GALNT13: variants seen among roughly 807,000 people sequenced by gnomAD.
GALNT13 encodes the protein UDP-GalNAc:polypeptide N-acetylgalactosaminyltransferase 13.
Under a neutral mutation model 64.2 loss-of-function variants are expected in GALNT13, and 28 were observed. The ratio of observed to expected loss-of-function variants is 0.44; its 90% CI spans 0.32 to 0.60. GALNT13 has a LOEUF of 0.60. Ranked by LOEUF, GALNT13 falls within the 20% of genes least tolerant of loss-of-function variation. The pLI is 0.05. For synonymous variants in GALNT13, 214 were observed against 224.6 expected (o/e 0.95, Z 0.42); for missense variants, 577 against 669.8 (o/e 0.86, Z 1.53).
chr2:154,322,662 G>C (rs1424681840), intron 9 of GALNT13, among the ~76,000 whole-genome samples: 1 of 152,052 alleles, frequency 6.6e-6, no homozygotes, highest in Non-Finnish European at 1.5e-5. Context: ...TGGTAGTCAG[G>C]TTGTGTTGTT....
At chr2:153,609,541 G>T in the GALNT13 span, among the ~76,000 whole-genome samples, 16 of 152,012 alleles carry the variant, frequency 1.1e-4, no homozygotes, top group African/African-American at 3.6e-4. Flanking sequence ...TTTTATCAGG[G>T]CTGTCCTCAC....
intron 8 of GALNT13, among the ~76,000 whole-genome samples, chr2:154,287,998 T>C (rs1213241902): frequency 1.3e-5 from 2 of 152,084 alleles, no homozygotes; most frequent in African/African-American, 4.8e-5. Context: ...TATTGGTCCC[T>C]GTATTAGTCC....
chr2:154,067,095 G>A (rs992295046), intron 3 of GALNT13, among the ~76,000 whole-genome samples: 3 of 151,762 alleles, frequency 2.0e-5, no homozygotes, highest in Admixed American at 2.0e-4. Flanking sequence ...TAAAATAATG[G>A]GTTATAAGAT....
intron 4 of GALNT13, among the ~76,000 whole-genome samples, chr2:154,147,110 G>C (rs1683652201): frequency 6.6e-6 from 1 of 151,854 alleles, no homozygotes; most frequent in Non-Finnish European, 1.5e-5. Flanking sequence ...GTTGTGCAAT[G>C]AATCTTTAGC....
At chr2:153,115,636 TG>T in the GALNT13 span, among the ~76,000 whole-genome samples, 1 of 152,168 alleles carries the variant, frequency 6.6e-6, no homozygotes, top group Non-Finnish European at 1.5e-5. Context: ...ATTGTGTCTG[TG>T]TCTATCTGTT....
At chr2:154,449,065 C>A (rs1352032775) in intron 12 of GALNT13, among the ~76,000 whole-genome samples, 1 of 151,926 alleles carries the variant, frequency 6.6e-6, no homozygotes, top group Non-Finnish European at 1.5e-5. Flanking sequence ...GGTTGAATTT[C>A]TGGCATAATA....
At chr2:154,379,180 G>A (rs1200436130) in intron 9 of GALNT13, among the ~76,000 whole-genome samples, 1 of 151,906 alleles carries the variant, frequency 6.6e-6, no homozygotes, top group Non-Finnish European at 1.5e-5. Context: ...GCTCATCTTA[G>A]TAAAATGGTT....
At position 154,254,047 on chromosome 2, in the gene GALNT13, G is replaced by C. The variant is rs184553934; in HGVS notation, c.858-4974G>C. The stretch of plus-strand genomic sequence containing the variant: ...AGTATGTCTTGATTGAGGGAGCAGG[G>C]GGACGGGGCAGTGGTGTTGAAGGCA... On this transcript the variant is annotated intron_variant, in intron 7 of 12. Transcript: ENST00000392825. Among the ~76,000 whole-genome samples, 23 of 152,274 alleles carry C rather than the reference G, an allele frequency of 1.5e-4. No homozygotes were observed. The East Asian group carries it at 4.5e-3, about 29-fold the overall frequency.
intron 9 of GALNT13, among the ~76,000 whole-genome samples, chr2:154,367,299 C>A (rs964606194): frequency 6.6e-6 from 1 of 152,054 alleles, no homozygotes. Context: ...CTTTGTCAAT[C>A]CCCTCTCTAG....
chr2:153,259,754 A>G, the GALNT13 span, among the ~76,000 whole-genome samples: 278 of 151,388 alleles, frequency 1.8e-3, 3 homozygotes, highest in Non-Finnish European at 1.4e-3. Context: ...AGTCCATTAA[A>G]CCTCTTTTTC....
intron 3 of GALNT13, among the ~76,000 whole-genome samples, chr2:154,091,381 G>T (rs535246247): frequency 6.6e-6 from 1 of 151,886 alleles, no homozygotes; most frequent in East Asian, 1.9e-4. Flanking sequence ...GTAAAACATG[G>T]TCCATTTTGA....
the GALNT13 span, among the ~76,000 whole-genome samples, chr2:153,226,551 G>T: frequency 2.0e-5 from 3 of 152,018 alleles, no homozygotes; most frequent in Non-Finnish European, 4.4e-5. Flanking sequence ...ACCTTGTGAG[G>T]TTCTTCCCCA....
chr2:153,860,377 G>A, the GALNT13 span, among the ~76,000 whole-genome samples: 2 of 152,176 alleles, frequency 1.3e-5, no homozygotes, highest in Non-Finnish European at 2.9e-5. Context: ...GCAAAGCAAA[G>A]TTCAGAACAA....
At chr2:153,387,162 T>C in the GALNT13 span, among the ~76,000 whole-genome samples, 1 of 152,212 alleles carries the variant, frequency 6.6e-6, no homozygotes, top group South Asian at 2.1e-4. Flanking sequence ...AAGGCAACCA[T>C]ATTTTTTTCT....
At chr2:154,130,007 G>T (rs181914685) in intron 3 of GALNT13, among the ~76,000 whole-genome samples, 1 of 152,074 alleles carries the variant, frequency 6.6e-6, no homozygotes, top group Non-Finnish European at 1.5e-5. Context: ...CTGATGGAAC[G>T]ATTTCCTTTC....
intron 3 of GALNT13, among the ~76,000 whole-genome samples, chr2:153,992,796 C>T (rs534923050): frequency 6.6e-6 from 1 of 152,136 alleles, no homozygotes; most frequent in Non-Finnish European, 1.5e-5. Flanking sequence ...AAACCAATGG[C>T]AGCACTAACA....
chr2:153,868,501 A>G (rs1042024026), upstream of GALNT13, among the ~76,000 whole-genome samples: 11 of 152,164 alleles, frequency 7.2e-5, no homozygotes, highest in African/African-American at 2.7e-4. Flanking sequence ...CCATCATCCT[A>G]CTCATCCAAT....
At chr2:153,605,762 G>C in the GALNT13 span, among the ~76,000 whole-genome samples, 3 of 152,116 alleles carry the variant, frequency 2.0e-5, no homozygotes, top group African/African-American at 7.2e-5. Context: ...GGGTTGGTCA[G>C]AGTTTTGAAA....
intron 6 of GALNT13, among the ~76,000 whole-genome samples, chr2:154,244,595 A>G (rs1418164223): frequency 6.6e-6 from 1 of 152,140 alleles, no homozygotes; most frequent in East Asian, 1.9e-4. Context: ...AATATGAAAA[A>G]CCAACTCTGG....
Sources: allele counts gnomAD v4.1 joint callset (sites outside exome capture counted in the v4.1 genomes callset), GRCh38; gene constraint gnomAD v4.1.1; transcripts MANE v1.5; gene names NCBI Gene and HGNC (gene_info 2026-07-23, HGNC 2026-07-21).